The following FAM13B variants were observed in gnomAD, a reference collection of about 807,000 sequenced individuals.
The protein encoded by FAM13B is protein FAM13B.
A neutral mutation model predicts 117.3 loss-of-function variants in FAM13B; 60 were observed. The ratio of observed to expected loss-of-function variants is 0.51; its 90% CI spans 0.42 to 0.63. The LOEUF is 0.63. Among genes scored for constraint, FAM13B ranks in the 30% least tolerant of loss-of-function variants. FAM13B has a pLI of 0.00. For synonymous variants in FAM13B, 332 were observed against 356.1 expected, an observed-to-expected ratio of 0.93 and a Z score of 0.76; for missense variants, 972 against 1,091.9, an observed-to-expected ratio of 0.89 and a Z score of 1.55.
At position 138,007,097 on chromosome 5, in the gene FAM13B, A is replaced by G; in HGVS notation, c.741T>C (p.Ile247=). 1 of 1,613,482 alleles carries G rather than the reference A, an allele frequency of 6.2e-7. No individual in the cohort carries two copies. The highest frequency in any genetic ancestry group is 1.3e-5 in the African/African-American group (1 of 75,050). The change falls in exon 7 of 24, where the codon ATT becomes ATC. Residue 247 remains isoleucine (I), a synonymous_variant. Coordinates refer to ENST00000689681, the MANE Select transcript of FAM13B (RefSeq NM_001385994.1). ...EEEEDEKLEH[I]EELPEEGAEK... ...CTGCACCCTCTTCTGGAAGTTCTTC[A>G]ATATGTTCCAGCTTTTCATCTTCCT...
Position 138,008,375 on chromosome 5 carries a change from G to A in FAM13B, c.691-1228C>T, listed in dbSNP as rs113988913. 1.6e-3 allele frequency among the ~76,000 whole-genome samples: 246 copies of A among 152,282 alleles called. 4 individuals carry two copies. The highest frequency in any genetic ancestry group is 5.4e-3 in the African/African-American group (226 of 41,558). ...GAGAATCACTTGGGCCCAGGAGGTC[G>A]GGGCTGCAGAGAGACGCGATTGTGA... On this transcript the variant is annotated intron_variant, in intron 6 of 23. Transcript: ENST00000689681.
At chr5:137,970,667 A>G (rs1260822951) in intron 10 of FAM13B, among the ~76,000 whole-genome samples, 2 of 152,228 alleles carry the variant, frequency 1.3e-5, no homozygotes, top group Non-Finnish European at 2.9e-5. Context: ...CAGACTGGCA[A>G]ATTGGACAAA....
chr5:137,954,398 T>G (rs765344919), intron 14 of FAM13B, 22 bp from the exon 15 acceptor site: 17 of 1,592,610 alleles, frequency 1.1e-5, no homozygotes, highest in Non-Finnish European at 1.5e-5. Flanking sequence ...ACACAAAGAA[T>G]AGTACCATGG....
At chr5:137,947,751 C>T (rs1186888906) in intron 18 of FAM13B, among the ~76,000 whole-genome samples, 1 of 151,952 alleles carries the variant, frequency 6.6e-6, no homozygotes, top group African/African-American at 2.4e-5. Context: ...CTGCTAATTT[C>T]TTTGTGTATT....
chr5:138,018,518 C>CGTAG lies in FAM13B; in HGVS notation c.158-5_158-4insCTAC. Reference sequence around the variant, plus strand: ...AGTCCTTGTTGCTCCAGACCTCCTACGTTAGTTCAAGGCAATCATTCAATA... The same window carrying CGTAG: ...AGTCCTTGTTGCTCCAGACCTCCTACGTAGGTTAGTTCAAGGCAATCATTCAATA... On this transcript the variant is annotated splice_region_variant and splice_polypyrimidine_tract_variant and intron_variant, in intron 3 of 23. Coordinates refer to ENST00000689681, the MANE Select transcript of FAM13B (RefSeq NM_001385994.1). 6.2e-7 allele frequency: 1 copy of CGTAG among 1,613,318 alleles called. No individual in the cohort carries two copies.
At position 138,024,137 on chromosome 5, in the gene FAM13B, T is replaced by TC. The variant is rs1245132730; in HGVS notation, c.-202-2941dup. The stretch of plus-strand genomic sequence containing the variant: ...CACATCTGTGGTGGGTTGAATAGTG[T>TC]CCCCCCCAAACCTCATGTCCACCAA... On this transcript the variant is annotated intron_variant, in intron 1 of 23. Coordinates refer to ENST00000689681, the MANE Select transcript of FAM13B (RefSeq NM_001385994.1). Among the ~76,000 whole-genome samples the TC allele has an allele frequency of 2.6e-5, 4 of 151,852 alleles. No individual in the cohort carries two copies. The East Asian group carries it at 7.7e-4, about 29-fold the overall frequency.
At chr5:138,016,431 C>T (rs997277536) in intron 4 of FAM13B, among the ~76,000 whole-genome samples, 2 of 152,068 alleles carry the variant, frequency 1.3e-5, no homozygotes, top group Non-Finnish European at 2.9e-5. Context: ...TCAAGACCTG[C>T]TTGGGCAACA....
chr5:138,037,792 G>A (rs1015940112), upstream of FAM13B, among the ~76,000 whole-genome samples: 2 of 152,068 alleles, frequency 1.3e-5, no homozygotes, highest in Non-Finnish European at 2.9e-5. Flanking sequence ...AATAAGAAAC[G>A]AGCCACCCTA....
intron 7 of FAM13B, among the ~76,000 whole-genome samples, chr5:137,994,259 CAAAT>C (rs1779324932): frequency 1.3e-5 from 2 of 150,856 alleles, no homozygotes; most frequent in Admixed American, 6.6e-5. Flanking sequence ...GTAAACAAAT[CAAAT>C]AAATAGATTT....
intron 10 of FAM13B, among the ~76,000 whole-genome samples, chr5:137,980,609 A>G (rs559627517): frequency 2.7e-3 from 408 of 151,426 alleles, no homozygotes; most frequent in Non-Finnish European, 4.8e-3. Context: ...AGCCTGGCTA[A>G]TTTTTATTTT....
upstream of FAM13B, among the ~76,000 whole-genome samples, chr5:138,037,585 T>C (rs1246441217): frequency 6.6e-6 from 1 of 152,092 alleles, no homozygotes; most frequent in African/African-American, 2.4e-5. Context: ...TTCCATCCTT[T>C]ACATGAGTTT....
At chr5:138,000,486 T>C (rs1780943627) in intron 7 of FAM13B, among the ~76,000 whole-genome samples, 1 of 152,104 alleles carries the variant, frequency 6.6e-6, no homozygotes, top group African/African-American at 2.4e-5. Flanking sequence ...GAAACAAAAG[T>C]TCTTTAGGGT....
At chr5:137,947,752 T>C (rs914861525) in intron 18 of FAM13B, among the ~76,000 whole-genome samples, 6 of 152,058 alleles carry the variant, frequency 3.9e-5, no homozygotes, top group African/African-American at 1.4e-4. Context: ...TGCTAATTTC[T>C]TTGTGTATTT....
At chr5:138,041,517 T>C (rs1225895239) in intron 1 of FAM13B, among the ~76,000 whole-genome samples, 1 of 152,126 alleles carries the variant, frequency 6.6e-6, no homozygotes, top group African/African-American at 2.4e-5. Flanking sequence ...TAAAATAAAA[T>C]AGGAAGATCT....
chr5:137,974,599 T>TA lies in FAM13B; in HGVS notation c.1179+10657dup, dbSNP rs540915634. The stretch of plus-strand genomic sequence containing the variant: ...CATTGTGCACATGTACCCTAAAACT[T>TA]AAAGTATAATAATAATAAATAAAAA... On this transcript the variant is annotated intron_variant, in intron 10 of 23. Transcript: ENST00000689681. Among the ~76,000 whole-genome samples the TA allele has an allele frequency of 7.1e-3, 893 of 126,456 alleles. 11 individuals are homozygous for TA. Among genetic ancestry groups the TA allele is most frequent in the African/African-American group, 0.025 (861 of 34,028 alleles). 83.0% of individuals were successfully genotyped at this position (126,456 alleles called of 152,430 possible). A position where few individuals can be genotyped will look rare whatever the true frequency, so the allele number is the denominator to read the frequency against.
intron 1 of FAM13B, among the ~76,000 whole-genome samples, chr5:138,047,980 T>C (rs1428288462): frequency 6.6e-6 from 1 of 152,218 alleles, no homozygotes; most frequent in East Asian, 1.9e-4. Context: ...AGAATAACTT[T>C]AGGTTTACAG....
At chr5:138,051,030 G>A (rs888632378) in intron 1 of FAM13B, among the ~76,000 whole-genome samples, 13 of 151,932 alleles carry the variant, frequency 8.6e-5, no homozygotes, top group Non-Finnish European at 1.3e-4. Context: ...GTGGGGGGGG[G>A]AGAATGAAAA....
At chr5:137,974,297 A>G (rs1487559107) in intron 10 of FAM13B, among the ~76,000 whole-genome samples, 20 of 152,060 alleles carry the variant, frequency 1.3e-4, no homozygotes. Context: ...TGATGAGTTC[A>G]TGTCCTTTGC....
At chr5:138,040,862 G>A (rs1014902394) in intron 1 of FAM13B, among the ~76,000 whole-genome samples, 19 of 151,864 alleles carry the variant, frequency 1.3e-4, no homozygotes, top group African/African-American at 3.9e-4. Context: ...TCAGGAGTTC[G>A]AGACCAGCCT....
Sources: allele counts gnomAD v4.1 joint callset (sites outside exome capture counted in the v4.1 genomes callset), GRCh38; gene constraint gnomAD v4.1.1; transcripts MANE v1.5; gene names NCBI Gene and HGNC (gene_info 2026-07-23, HGNC 2026-07-21).